The following ARHGEF7 variants were observed in gnomAD, a reference collection of about 807,000 sequenced individuals.
The protein encoded by ARHGEF7 is Rho guanine nucleotide exchange factor 7.
ARHGEF7 carries 33 observed loss-of-function variants against 109.8 expected under a neutral mutation model. That is an observed-to-expected ratio of 0.30 (90% CI 0.23 to 0.40). ARHGEF7 has a LOEUF of 0.40. Ranked by LOEUF, ARHGEF7 falls within the 10% of genes least tolerant of loss-of-function variation. The pLI, the probability that ARHGEF7 is intolerant of heterozygous loss-of-function variation, is 1.00. For synonymous variants in ARHGEF7, 458 were observed against 424.6 expected, an observed-to-expected ratio of 1.08 and a Z score of -0.97; for missense variants, 938 against 1,098.5, an observed-to-expected ratio of 0.85 and a Z score of 2.07.
chr13:111,261,520 A>G (rs2091089820), intron 8 of ARHGEF7, among the ~76,000 whole-genome samples: 1 of 152,248 alleles, frequency 6.6e-6, no homozygotes, highest in Non-Finnish European at 1.5e-5. Flanking sequence ...AGAGATGTCA[A>G]CACACCACTT....
At chr13:111,186,954 G>A (rs531780444) in intron 2 of ARHGEF7, 32 of 985,650 alleles carry the variant, frequency 3.2e-5, no homozygotes, top group African/African-American at 7.0e-5. Flanking sequence ...ATCAGCCAGC[G>A]CTACCATGGA....
rs1433899825 is a variant in ARHGEF7 at position 111,131,301 on chromosome 13, A to G, written c.165+15610A>G. On this transcript the variant is annotated intron_variant, in intron 1 of 21. Transcript: ENST00000646102. This position sits in a 1 kb window ranked among gnomAD's most constrained non-coding sequence, Gnocchi z 4.4. ...AGACAGGGGGACAGTGATTTGGGTGACTCCTGGGTTTCTGGTTGCACAACA... is the reference window on the plus strand; with the variant it reads ...AGACAGGGGGACAGTGATTTGGGTGGCTCCTGGGTTTCTGGTTGCACAACA... 1.3e-5 allele frequency among the ~76,000 whole-genome samples: 2 copies of G among 151,274 alleles called. No individual in the cohort carries two copies. The highest frequency in any genetic ancestry group is 4.9e-5 in the African/African-American group (2 of 41,100).
rs1429287322 is a variant in ARHGEF7, at chr13:111,303,158, A to G, written c.*45A>G. The G allele has an allele frequency of 1.4e-6, 2 of 1,439,406 alleles. No individual in the cohort carries two copies. Among genetic ancestry groups the G allele is most frequent in the African/African-American group, 2.9e-5 (2 of 69,902 alleles). 89.2% of individuals were successfully genotyped at this position (1,439,406 alleles called of 1,614,324 possible). A position where few individuals can be genotyped will look rare whatever the true frequency, so the allele number is the denominator to read the frequency against. Reference sequence around the variant, plus strand: ...CTGTTGAAGACCAGTTCTGAGGTGAAGCTGGGCACCCCTGACCCAAGTCGG... The same window carrying G: ...CTGTTGAAGACCAGTTCTGAGGTGAGGCTGGGCACCCCTGACCCAAGTCGG... On this transcript the variant is annotated 3_prime_UTR_variant, in exon 22 of 22. Transcript: ENST00000646102.
intron 9 of ARHGEF7, among the ~76,000 whole-genome samples, chr13:111,269,308 T>C (rs892376498): frequency 6.6e-5 from 10 of 151,022 alleles, no homozygotes; most frequent in African/African-American, 2.5e-4. Context: ...TCAAGAATTG[T>C]TGATGGAGTC....
intron 2 of ARHGEF7, among the ~76,000 whole-genome samples, chr13:111,159,433 T>C (rs2076583167): frequency 6.6e-6 from 1 of 152,252 alleles, no homozygotes; most frequent in Non-Finnish European, 1.5e-5. Flanking sequence ...ATGATAATTC[T>C]GTTTTTAGAT....
At chr13:111,156,080 CAAAAAAAA>C (rs56803261) in intron 2 of ARHGEF7, among the ~76,000 whole-genome samples, 3 of 123,694 alleles carry the variant, frequency 2.4e-5, no homozygotes, top group East Asian at 2.4e-4. Flanking sequence ...AAGACTCCCT[CAAAAAAAA>C]AAAAAAAAAA....
intron 5 of ARHGEF7, among the ~76,000 whole-genome samples, chr13:111,221,138 CATATATATATAGATATATATGTCTATAT>C (rs1195840667): frequency 9.5e-3 from 973 of 102,088 alleles, no homozygotes; most frequent in East Asian, 0.084. Flanking sequence ...AACTCCCTTT[CATATATATATAGATATATATGTCTATAT>C]ATATCTATAT....
intron 8 of ARHGEF7, among the ~76,000 whole-genome samples, chr13:111,257,910 G>A (rs2153569758): frequency 6.6e-6 from 1 of 152,354 alleles, no homozygotes; most frequent in African/African-American, 2.4e-5. Context: ...GGTCCCAGCA[G>A]TTGGAACCTG....
chr13:111,301,515 G>T lies in ARHGEF7; in HGVS notation c.2449G>T (p.Val817Phe). ...VDTVYALKDE[V>F]QELRQDNKKM... The stretch of plus-strand genomic sequence containing the variant: ...TACCGTATATGCATTAAAGGATGAA[G>T]TTCAAGAATTAAGACAGGTACGTCA... The change falls in exon 21 of 22, where the codon GTT becomes TTT. Residue 817 changes from valine to phenylalanine, a missense_variant. This residue lies in a region of ARHGEF7 where 166 missense variants were observed against 167.3 expected (regional missense o/e 0.99). Coordinates refer to ENST00000646102, the MANE Select transcript of ARHGEF7 (RefSeq NM_001354046.2). The T allele has an allele frequency of 6.2e-7, 1 of 1,611,964 alleles. No individual in the cohort carries two copies. Among genetic ancestry groups the T allele is most frequent in the Non-Finnish European group, 8.5e-7 (1 of 1,178,328 alleles).
chr13:111,149,598 T>C lies in ARHGEF7; in HGVS notation c.166-4307T>C, dbSNP rs964947136. Among the ~76,000 whole-genome samples the C allele has an allele frequency of 2.0e-5, 3 of 152,258 alleles. No individual in the cohort carries two copies. The South Asian group carries it at 6.2e-4, about 31-fold the overall frequency. On this transcript the variant is annotated intron_variant, in intron 1 of 21. Coordinates refer to ENST00000646102, the MANE Select transcript of ARHGEF7 (RefSeq NM_001354046.2). ...CCAATCAATACATAACCTTGTTTTATGTGTATTTTTGTTTGAAGATAGCTT... is the reference window on the plus strand; with the variant it reads ...CCAATCAATACATAACCTTGTTTTACGTGTATTTTTGTTTGAAGATAGCTT...
Position 111,273,282 on chromosome 13 carries a change from C to T in ARHGEF7, c.1074-532C>T, listed in dbSNP as rs1156275796. ...AATCAGCGTTTGCTCTCTTCTCTTG[C>T]TGCTTCTCGTGCTCCTCACCCCAAG... On this transcript the variant is annotated intron_variant, in intron 9 of 21. Coordinates refer to ENST00000646102, the MANE Select transcript of ARHGEF7 (RefSeq NM_001354046.2). The surrounding 1 kb of genome is among the most constrained non-coding windows in gnomAD (Gnocchi z 4.5). Among the ~76,000 whole-genome samples, 2 of 152,224 alleles carry T rather than the reference C, an allele frequency of 1.3e-5. No homozygotes were observed. The highest frequency in any genetic ancestry group is 2.4e-5 in the African/African-American group (1 of 41,462).
At chr13:111,294,272 A>G (rs891593415) in intron 19 of ARHGEF7, 2 of 985,332 alleles carry the variant, frequency 2.0e-6, no homozygotes, top group Middle Eastern at 5.2e-4. Context: ...GTCAGGGAGC[A>G]CTTTTTTGTT....
At chr13:111,237,236 T>C (rs1295356064) in intron 6 of ARHGEF7, among the ~76,000 whole-genome samples, 1 of 152,208 alleles carries the variant, frequency 6.6e-6, no homozygotes, top group Non-Finnish European at 1.5e-5. Context: ...CCTTAATGTC[T>C]GAAGAGCTCA....
At chr13:111,236,523 A>T (rs1227395573) in intron 6 of ARHGEF7, among the ~76,000 whole-genome samples, 1 of 152,128 alleles carries the variant, frequency 6.6e-6, no homozygotes, top group African/African-American at 2.4e-5. Flanking sequence ...ACTCACCTAG[A>T]GCACTTCTGT....
At position 111,258,123 on chromosome 13, in the gene ARHGEF7, C is replaced by T. The variant is rs1475283544; in HGVS notation, c.951-9425C>T. On this transcript the variant is annotated intron_variant, in intron 8 of 21. Transcript: ENST00000646102. The surrounding 1 kb of genome is among the most constrained non-coding windows in gnomAD (Gnocchi z 4.4). ...AGGGAGGCCTTGCACCACCCTCCCA[C>T]AGCCACAGGCAGTGCAGCCTGCAGC... Among the ~76,000 whole-genome samples, 2 of 152,228 alleles carry T rather than the reference C, an allele frequency of 1.3e-5. No homozygotes were observed. The highest frequency in any genetic ancestry group is 4.8e-5 in the African/African-American group (2 of 41,466).
chr13:111,301,109 T>C (rs1461530576), intron 20 of ARHGEF7, among the ~76,000 whole-genome samples: 3 of 152,136 alleles, frequency 2.0e-5, no homozygotes, highest in African/African-American at 7.2e-5. Flanking sequence ...CCACCACGCC[T>C]GGCTAATTTT....
At chr13:111,229,584 G>A (rs1263903650) in intron 5 of ARHGEF7, among the ~76,000 whole-genome samples, 1 of 152,134 alleles carries the variant, frequency 6.6e-6, no homozygotes, top group African/African-American at 2.4e-5. Context: ...CTACTTTGGG[G>A]AACCTGGTCC....
At chr13:111,129,190 T>A (rs2074610107) in intron 1 of ARHGEF7, among the ~76,000 whole-genome samples, 1 of 152,216 alleles carries the variant, frequency 6.6e-6, no homozygotes, top group African/African-American at 2.4e-5. Flanking sequence ...TCTATACCTC[T>A]TAGTATACAA....
intron 1 of ARHGEF7, among the ~76,000 whole-genome samples, chr13:111,141,237 T>C (rs962018373): frequency 3.9e-5 from 6 of 152,198 alleles, no homozygotes; most frequent in African/African-American, 7.2e-5. Flanking sequence ...TATAATGACA[T>C]GTAGCCACTG....
Sources: allele counts gnomAD v4.1 joint callset (sites outside exome capture counted in the v4.1 genomes callset), GRCh38; gene constraint gnomAD v4.1.1; regional missense constraint gnomAD v4.1.1; non-coding constraint Gnocchi (gnomAD v3.1); transcripts MANE v1.5; gene names NCBI Gene and HGNC (gene_info 2026-07-23, HGNC 2026-07-21).